LRP2BP: variants seen among roughly 807,000 people sequenced by gnomAD.
The protein encoded by LRP2BP is LRP2-binding protein.
A neutral mutation model predicts 45.2 loss-of-function variants in LRP2BP; 38 were observed. The observed-to-expected ratio is 0.84, with a 90% CI of 0.65 to 1.10. The LOEUF is 1.10. Ranked by LOEUF, LRP2BP falls within the 50% of genes least tolerant of loss-of-function variation. LRP2BP has a pLI of 0.00. For missense variants in LRP2BP, 385 were observed against 418.9 expected, an observed-to-expected ratio of 0.92 and a Z score of 0.71; for synonymous variants, 153 against 153.9, an observed-to-expected ratio of 0.99 and a Z score of 0.04.
intron 8 of LRP2BP, among the ~76,000 whole-genome samples, chr4:185,369,422 T>G (rs900033030): frequency 2.0e-5 from 3 of 151,588 alleles, no homozygotes; most frequent in African/African-American, 7.3e-5. Flanking sequence ...TTTAGTATTT[T>G]TAGTAGAGAC....
chr4:185,385,245 G>A (rs2095467631), intron 1 of LRP2BP, among the ~76,000 whole-genome samples: 3 of 152,136 alleles, frequency 2.0e-5, no homozygotes, highest in Admixed American at 6.5e-5. Flanking sequence ...CTTGTTGGCA[G>A]TTACAGCTGC....
At chr4:185,367,300 C>G in intron 8 of LRP2BP, 55 bp from the exon 9 acceptor site, 1 of 1,336,602 alleles carries the variant, frequency 7.5e-7, no homozygotes, top group Non-Finnish European at 1.0e-6. Context: ...TTGGGTCTTT[C>G]TTCTTTTTTT....
chr4:185,386,317 T>TATC (rs1448572120), intron 1 of LRP2BP, among the ~76,000 whole-genome samples: 1 of 152,206 alleles, frequency 6.6e-6, no homozygotes, highest in African/African-American at 2.4e-5. Context: ...ATGAAAAGCA[T>TATC]ATCTTTCATA....
At chr4:185,375,754 AT>A in intron 3 of LRP2BP, 28 bp from the exon 4 acceptor site, 1 of 1,463,278 alleles carries the variant, frequency 6.8e-7, no homozygotes, top group Non-Finnish European at 9.5e-7. Flanking sequence ...ATATTTAATT[AT>A]TTTTATTATG....
At position 185,365,468 on chromosome 4, in the gene LRP2BP, GTC is replaced by G. The variant is rs912273152; in HGVS notation, c.*1710_*1711del. The G allele has an allele frequency of 6.6e-6, 1 of 151,826 alleles. No homozygotes were observed. The highest frequency in any genetic ancestry group is 6.6e-5 in the Admixed American group (1 of 15,234). 9.4% of individuals were successfully genotyped at this position (151,826 alleles called of 1,614,324 possible). A position where few individuals can be genotyped will look rare whatever the true frequency, so the allele number is the denominator to read the frequency against. The stretch of plus-strand genomic sequence containing the variant: ...CCTCCTGGTTTCAAGCAGTTCTTCT[GTC>G]TCAGCCTCCCGAGTAGCTGGGACTA... On this transcript the variant is annotated 3_prime_UTR_variant, in exon 9 of 9. Transcript: ENST00000505916.
chr4:185,368,930 A>G (rs2095403660), intron 8 of LRP2BP, among the ~76,000 whole-genome samples: 1 of 150,816 alleles, frequency 6.6e-6, no homozygotes, highest in South Asian at 2.1e-4. Flanking sequence ...AGTAGCTGGG[A>G]CTATGGACAT....
intron 2 of LRP2BP, 44 bp from the exon 3 acceptor site, chr4:185,377,062 A>G: frequency 7.5e-7 from 1 of 1,338,280 alleles, no homozygotes; most frequent in Non-Finnish European, 1.1e-6. Flanking sequence ...ACACAATATG[A>G]ATTTTCTCTC....
At chr4:185,396,548 C>G (rs530573280), upstream of LRP2BP, 706 of 270,388 alleles carry the variant, frequency 2.6e-3, 6 homozygotes, top group Non-Finnish European at 1.2e-3. Context: ...ACCCTGCGCA[C>G]GCGCGCTGAG....
chr4:185,374,914 T>C (rs2095428090), intron 4 of LRP2BP, among the ~76,000 whole-genome samples: 1 of 152,118 alleles, frequency 6.6e-6, no homozygotes, highest in South Asian at 2.1e-4. Flanking sequence ...AGCATACTTT[T>C]ACTGTGTGCT....
At position 185,364,529 on chromosome 4, in the gene LRP2BP, A is replaced by T. The variant is rs1301496812; in HGVS notation, c.*2651T>A. 1 of 152,192 alleles carries T rather than the reference A, an allele frequency of 6.6e-6. No homozygotes were observed. The highest frequency in any genetic ancestry group is 1.5e-5 in the Non-Finnish European group (1 of 68,040). 9.4% of individuals were successfully genotyped at this position (152,192 alleles called of 1,614,324 possible). ...TACTCCCCTCATGCCCTAGGATGTAACCTATGCCAGTTTATATACGTATGA... is the reference window on the plus strand; with the variant it reads ...TACTCCCCTCATGCCCTAGGATGTATCCTATGCCAGTTTATATACGTATGA... On this transcript the variant is annotated 3_prime_UTR_variant, in exon 9 of 9. Coordinates refer to ENST00000505916, the MANE Select transcript of LRP2BP (RefSeq NM_001377440.1).
intron 4 of LRP2BP, among the ~76,000 whole-genome samples, chr4:185,374,906 C>T (rs1448588996): frequency 6.6e-6 from 1 of 152,112 alleles, no homozygotes; most frequent in Non-Finnish European, 1.5e-5. Context: ...TCCATTCAAG[C>T]ATACTTTTAC....
chr4:185,383,873 C>T (rs935064946), intron 1 of LRP2BP, among the ~76,000 whole-genome samples: 3 of 152,158 alleles, frequency 2.0e-5, no homozygotes, highest in Non-Finnish European at 4.4e-5. Flanking sequence ...GGCAGGTGCG[C>T]CGTGTTTTTC....
chr4:185,379,828 C>T (rs2095450325), intron 1 of LRP2BP, among the ~76,000 whole-genome samples: 1 of 152,078 alleles, frequency 6.6e-6, no homozygotes, highest in Non-Finnish European at 1.5e-5. Context: ...CTCTCTCTCT[C>T]TCTCTCTGAG....
chr4:185,378,436 T>G, intron 1 of LRP2BP: 1 of 1,313,830 alleles, frequency 7.6e-7, no homozygotes, highest in Non-Finnish European at 9.7e-7. Context: ...CAGCATCGCA[T>G]TCACCATGAG....
In LRP2BP at chr4:185,366,906, G is replaced by C. The variant is rs1253801224; in HGVS notation, c.*274C>G. 3.4e-5 allele frequency: 9 copies of C among 268,046 alleles called. No individual in the cohort carries two copies. The East Asian group carries it at 6.1e-4, about 18-fold the overall frequency. 16.6% of individuals were successfully genotyped at this position (268,046 alleles called of 1,614,324 possible). On this transcript the variant is annotated 3_prime_UTR_variant, in exon 9 of 9. Transcript: ENST00000505916. ...TAAGAAAGGATAAACGATACTTGCT[G>C]TATAGAATGGTTTTAATACTTGATA... is the stretch of plus-strand genomic sequence containing the variant.
chr4:185,386,967 A>T (rs976544981), intron 1 of LRP2BP, among the ~76,000 whole-genome samples: 3 of 152,176 alleles, frequency 2.0e-5, no homozygotes, highest in Admixed American at 1.3e-4. Flanking sequence ...TTGTGTTGGC[A>T]GGGTGCAGTG....
intron 1 of LRP2BP, among the ~76,000 whole-genome samples, chr4:185,383,647 TCC>T (rs2095462127): frequency 6.6e-6 from 1 of 152,166 alleles, no homozygotes; most frequent in African/African-American, 2.4e-5. Context: ...GGCACTTCCA[TCC>T]CCTAACTGGT....
At chr4:185,389,917 T>C (rs1440830500) in intron 1 of LRP2BP, among the ~76,000 whole-genome samples, 1 of 152,194 alleles carries the variant, frequency 6.6e-6, no homozygotes, top group African/African-American at 2.4e-5. Context: ...AAAAAAGTTA[T>C]TTCCCAATCT....
intron 1 of LRP2BP, among the ~76,000 whole-genome samples, chr4:185,386,237 G>A (rs2095471515): frequency 6.6e-6 from 1 of 152,148 alleles, no homozygotes; most frequent in South Asian, 2.1e-4. Flanking sequence ...GAATCCAAAG[G>A]GATCAGCTTA....
Sources: gnomAD v4.1 joint callset for allele counts (sites outside exome capture counted in the v4.1 genomes callset) on GRCh38, gnomAD v4.1.1 for gene constraint, MANE v1.5 for transcripts, NCBI Gene and HGNC (gene_info 2026-07-23, HGNC 2026-07-21) for gene names.